AFF2: variants seen among roughly 807,000 people sequenced by gnomAD.
AFF2 encodes the protein ALF transcription elongation factor 2.
A neutral mutation model predicts 76.9 loss-of-function variants in AFF2; 14 were observed. That is an observed-to-expected ratio of 0.18 (90% confidence interval 0.12 to 0.28). The LOEUF (loss-of-function observed/expected upper bound fraction) is 0.28, where lower values mean the gene tolerates loss of function less well. Ranked by LOEUF, AFF2 falls within the 10% of genes least tolerant of loss-of-function variation. The probability of loss-of-function intolerance (pLI) is 1.00; values close to 1 mark genes in which losing one functional copy is unlikely to be tolerated. For missense variants in AFF2, 868 were observed against 1,001.1 expected (o/e 0.87, Z 1.79); for synonymous variants, 398 against 366.7 (o/e 1.09, Z -0.98).
At chrX:148,956,678 C>T in intron 11 of AFF2, 65 bp downstream of exon 11, 1 of 1,058,950 alleles carries the variant, frequency 9.4e-7, no homozygotes, top group South Asian at 2.3e-5. Context: ...CTAACTTGAT[C>T]TTGAGCCTCA....
chrX:148,620,057 A>C, intron 1 of AFF2, among the ~76,000 whole-genome samples: 1 of 111,788 alleles, frequency 8.9e-6, no homozygotes, highest in Non-Finnish European at 1.9e-5. Flanking sequence ...TGTCGATAAC[A>C]TGAGCGTGCA....
Position 148,735,909 on chromosome X carries a change from T to A in AFF2, c.1041+73141T>A, listed in dbSNP as rs1328949161. On this transcript the variant is annotated intron_variant, in intron 3 of 20. Transcript: ENST00000370460. The stretch of plus-strand genomic sequence containing the variant: ...TGAGTTACTTCACTTAGAATAATAG[T>A]CTCCAGTCTCATCCAGATCAGTGCA... Among the ~76,000 whole-genome samples, 7 of 112,108 alleles carry A rather than the reference T, an allele frequency of 6.2e-5. No homozygotes were observed. In the East Asian group the frequency reaches 2.0e-3, roughly 31 times the overall value.
chrX:148,501,535 C>T (rs1190362707), intron 1 of AFF2, among the ~76,000 whole-genome samples: 1 of 113,372 alleles, frequency 8.8e-6, no homozygotes, highest in Non-Finnish European at 1.9e-5. Context: ...TTTCCAGGTG[C>T]CCAACGCCCG....
chrX:148,808,439 T>C lies in AFF2; in HGVS notation c.1042-1437T>C, dbSNP rs1312946131. Among the ~76,000 whole-genome samples the C allele has an allele frequency of 1.5e-4, 17 of 112,606 alleles. No individual in the cohort carries two copies. The Admixed American group carries it at 1.6e-3, about 11-fold the overall frequency. On this transcript the variant is annotated intron_variant, in intron 3 of 20. Transcript: ENST00000370460. ...TATGAAACCTGTATTTTAGATTCTTTACAAGGTATGCCCAGCCAACTTAAG... is the reference window on the plus strand; with the variant it reads ...TATGAAACCTGTATTTTAGATTCTTCACAAGGTATGCCCAGCCAACTTAAG...
intron 1 of AFF2, among the ~76,000 whole-genome samples, chrX:148,651,084 G>T (rs191667674): frequency 1.8e-5 from 2 of 112,121 alleles, no homozygotes; most frequent in Non-Finnish European, 3.8e-5. Flanking sequence ...ACACCACTAC[G>T]AGACTTAGAT....
intron 1 of AFF2, among the ~76,000 whole-genome samples, chrX:148,541,579 T>C (rs2052858045): frequency 9.0e-6 from 1 of 111,583 alleles, no homozygotes; most frequent in African/African-American, 3.3e-5. Flanking sequence ...ATCTTCTTTT[T>C]AAGGCCTCCC....
chrX:148,713,721 T>C (rs2054995687), intron 3 of AFF2, among the ~76,000 whole-genome samples: 1 of 111,496 alleles, frequency 9.0e-6, no homozygotes, highest in Admixed American at 9.6e-5. Flanking sequence ...CAAAAATCAA[T>C]GTGAGGTAGT....
chrX:148,729,324 G>A (rs2055194520), intron 3 of AFF2, among the ~76,000 whole-genome samples: 1 of 111,677 alleles, frequency 9.0e-6, no homozygotes, highest in African/African-American at 3.3e-5. Flanking sequence ...AAATGGCAAT[G>A]ATTAGTGGAA....
chrX:148,529,367 AT>A (rs1479046294), intron 1 of AFF2, among the ~76,000 whole-genome samples: 1 of 112,110 alleles, frequency 8.9e-6, no homozygotes, highest in Non-Finnish European at 1.9e-5. Context: ...GAGAGCATCT[AT>A]CAGGCACCTT....
At chrX:148,538,830 C>G (rs1383494862) in intron 1 of AFF2, among the ~76,000 whole-genome samples, 4 of 111,758 alleles carry the variant, frequency 3.6e-5, no homozygotes, top group Non-Finnish European at 5.6e-5. Flanking sequence ...TGACAGATTC[C>G]AGATCTGAAC....
intron 4 of AFF2, among the ~76,000 whole-genome samples, chrX:148,816,933 C>A (rs868965106): frequency 6.1e-4 from 51 of 84,289 alleles, no homozygotes; most frequent in East Asian, 1.5e-3. Context: ...AAGATCTATG[C>A]AAAAAAAAAA....
chrX:148,874,679 G>A (rs2071016112), intron 7 of AFF2, among the ~76,000 whole-genome samples: 1 of 112,011 alleles, frequency 8.9e-6, no homozygotes, highest in Non-Finnish European at 1.9e-5. Context: ...TGGTAATACA[G>A]AACAGTTTAG....
intron 3 of AFF2, among the ~76,000 whole-genome samples, chrX:148,723,636 T>C (rs2055120405): frequency 8.9e-6 from 1 of 112,164 alleles, no homozygotes; most frequent in Non-Finnish European, 1.9e-5. Flanking sequence ...TGCAAGTTAA[T>C]CTTCCAGTGT....
intron 1 of AFF2, among the ~76,000 whole-genome samples, chrX:148,628,835 C>T (rs2053953509): frequency 8.9e-6 from 1 of 112,106 alleles, no homozygotes; most frequent in Non-Finnish European, 1.9e-5. Context: ...TGAATGGTGG[C>T]AGTCTCTAGC....
chrX:148,896,251 G>A (rs1463321207), intron 8 of AFF2, among the ~76,000 whole-genome samples: 5 of 111,875 alleles, frequency 4.5e-5, no homozygotes, highest in African/African-American at 1.6e-4. Context: ...TTTGGGGGAT[G>A]ATATTAATTC....
At chrX:148,603,724 G>C (rs1470869044) in intron 1 of AFF2, among the ~76,000 whole-genome samples, 1 of 109,355 alleles carries the variant, frequency 9.1e-6, no homozygotes, top group Non-Finnish European at 1.9e-5. Flanking sequence ...TATTAGCTCA[G>C]TTCCAGCATT....
At chrX:148,527,710 T>C (rs1557235405) in intron 1 of AFF2, among the ~76,000 whole-genome samples, 1 of 111,484 alleles carries the variant, frequency 9.0e-6, no homozygotes, top group Non-Finnish European at 1.9e-5. Flanking sequence ...TTTTTCAAAA[T>C]AAAAATGTTT....
In AFF2 at chrX:148,662,367, C is replaced by T. The variant is rs2054315796; in HGVS notation, c.640C>T (p.Pro214Ser). ...GATTGGAGAAGTTGAAGAGTCAAAC[C>T]CATCTGCAAAGGAAGACAGTAACCC... Reference protein sequence around the residue: ...PQIGEVEESNPSAKEDSNPNS... With the variant: ...PQIGEVEESNSSAKEDSNPNS... Residue 214 changes from proline to serine, a missense_variant, in exon 3 of 21, where the codon CCA becomes TCA. Around this residue, in one of 6 missense-constraint regions of AFF2, gnomAD observed 196 missense variants for 194.8 expected, o/e 1.01. Transcript: ENST00000370460. 1 of 1,211,706 alleles carries T rather than the reference C, an allele frequency of 8.3e-7. No homozygotes were observed. The highest frequency in any genetic ancestry group is 2.2e-5 in the Admixed American group (1 of 46,009).
At chrX:148,843,321 T>A (rs2070625160) in intron 6 of AFF2, 61 bp from the exon 7 acceptor site, 3 of 1,013,709 alleles carry the variant, frequency 3.0e-6, no homozygotes, top group Non-Finnish European at 4.1e-6. Context: ...TCAATTTAAT[T>A]CAGAATAATC....
Sources: gnomAD v4.1 joint callset for allele counts (sites outside exome capture counted in the v4.1 genomes callset) on GRCh38, gnomAD v4.1.1 for gene constraint, gnomAD v4.1.1 regional missense constraint, MANE v1.5 for transcripts, NCBI Gene and HGNC (gene_info 2026-07-23, HGNC 2026-07-21) for gene names.